SNX7: variants seen among roughly 807,000 people sequenced by gnomAD.
SNX7 encodes the protein sorting nexin-7.
Under a neutral mutation model 48.4 loss-of-function variants are expected in SNX7, and 35 were observed. The ratio of observed to expected loss-of-function variants is 0.72; its 90% confidence interval spans 0.55 to 0.96. The LOEUF is 0.96. Ranked by LOEUF, SNX7 falls within the 40% of genes least tolerant of loss-of-function variation. The pLI is 0.00. For missense variants in SNX7, 553 were observed against 548.9 expected (o/e 1.01, Z -0.07); for synonymous variants, 190 against 190.2 (o/e 1.00, Z 0.01).
chr1:98,663,302 G>A (rs1649368085), intron 1 of SNX7, among the ~76,000 whole-genome samples: 1 of 112,814 alleles, frequency 8.9e-6, no homozygotes, highest in Admixed American at 1.2e-4. Flanking sequence ...TGTCGGGGCT[G>A]GACCCATCTG....
At chr1:98,664,095 C>G (rs192516281) in intron 1 of SNX7, among the ~76,000 whole-genome samples, 8 of 152,292 alleles carry the variant, frequency 5.3e-5, no homozygotes, top group African/African-American at 1.9e-4. Flanking sequence ...TTCAGCCTAT[C>G]CTAGGATGGA....
chr1:98,673,693 G>C (rs1650002875), intron 1 of SNX7, among the ~76,000 whole-genome samples: 1 of 152,204 alleles, frequency 6.6e-6, no homozygotes, highest in South Asian at 2.1e-4. Context: ...CATGGATGGT[G>C]AGGGTGGTTG....
chr1:98,749,108 G>A (rs1183208479), intron 8 of SNX7, among the ~76,000 whole-genome samples: 1 of 151,974 alleles, frequency 6.6e-6, no homozygotes, highest in African/African-American at 2.4e-5. Flanking sequence ...ACAATGATGT[G>A]GTATAGAAAA....
chr1:98,745,717 A>G (rs1388528154), intron 8 of SNX7, among the ~76,000 whole-genome samples: 1 of 152,046 alleles, frequency 6.6e-6, no homozygotes, highest in Non-Finnish European at 1.5e-5. Context: ...TACCTGCATT[A>G]TCTTACCGTC....
intron 2 of SNX7, among the ~76,000 whole-genome samples, chr1:98,690,664 A>G (rs1206150263): frequency 6.6e-6 from 1 of 152,104 alleles, no homozygotes; most frequent in East Asian, 1.9e-4. Flanking sequence ...AATTGCAAAA[A>G]TAGGACTTTC....
At chr1:98,730,147 A>C (rs951539210) in intron 7 of SNX7, among the ~76,000 whole-genome samples, 1 of 152,246 alleles carries the variant, frequency 6.6e-6, no homozygotes, top group Non-Finnish European at 1.5e-5. Flanking sequence ...AAACAGAACC[A>C]AAGACAAAAA....
intron 6 of SNX7, among the ~76,000 whole-genome samples, chr1:98,699,365 T>C (rs1306143707): frequency 1.3e-5 from 2 of 152,152 alleles, no homozygotes; most frequent in Non-Finnish European, 2.9e-5. Context: ...AAAAGAAATC[T>C]TTCAAGTTAA....
chr1:98,739,492 A>T (rs761491682), intron 8 of SNX7, among the ~76,000 whole-genome samples: 2 of 152,208 alleles, frequency 1.3e-5, no homozygotes, highest in Non-Finnish European at 1.5e-5. Context: ...CTGGCCCTGG[A>T]GAGACCACAG....
In SNX7 at chr1:98,714,338, G is replaced by C. The variant is rs78824370; in HGVS notation, c.1125+12435G>C. Reference sequence around the variant, plus strand: ...AATCCTGTGAGATAGGTAGTAATTTGTTCCCATTTTTGTGGACGGGAAAAT... The same window carrying C: ...AATCCTGTGAGATAGGTAGTAATTTCTTCCCATTTTTGTGGACGGGAAAAT... On this transcript the variant is annotated intron_variant, in intron 7 of 8. Coordinates refer to ENST00000306121, the MANE Select transcript of SNX7 (RefSeq NM_015976.5). 8.2e-4 allele frequency among the ~76,000 whole-genome samples: 125 copies of C among 152,228 alleles called. 1 individual carries two copies. The highest frequency in any genetic ancestry group is 6.8e-3 in the Middle Eastern group (2 of 294).
chr1:98,712,851 G>A (rs1652384226), intron 7 of SNX7, among the ~76,000 whole-genome samples: 1 of 152,088 alleles, frequency 6.6e-6, no homozygotes, highest in African/African-American at 2.4e-5. Context: ...CAGCACTTTG[G>A]GAGGCTGAGG....
In SNX7 at chr1:98,685,017, A is replaced by T; in HGVS notation, c.313A>T (p.Ser105Cys). ...DLFITVDEPE[S>C]HVTTIETFIT... is the part of the protein sequence containing the mutation. ...CTTCATCACAGTTGATGAACCTGAA[A>T]GTCATGTTACTACAATAGAAACTTT... Residue 105 changes from serine to cysteine, a missense_variant, in exon 2 of 9, where the codon AGT becomes TGT. Physicochemically the swap from Ser to Cys is moderately radical, Grantham distance 112 (BLOSUM62 -1). Transcript: ENST00000306121. 1 of 1,587,990 alleles carries T rather than the reference A, an allele frequency of 6.3e-7. No individual in the cohort carries two copies. The highest frequency in any genetic ancestry group is 8.6e-7 in the Non-Finnish European group (1 of 1,165,230).
chr1:98,665,534 G>C (rs1167553377), intron 1 of SNX7, among the ~76,000 whole-genome samples: 1 of 152,104 alleles, frequency 6.6e-6, no homozygotes, highest in Admixed American at 6.5e-5. Flanking sequence ...ATAATGACAT[G>C]ATTGAGCAAG....
In SNX7 at chr1:98,722,130, C is replaced by T. The variant is rs1009907048; in HGVS notation, c.1126-16107C>T. Among the ~76,000 whole-genome samples the T allele has an allele frequency of 2.2e-4, 34 of 151,920 alleles. 1 individual carries two copies. The highest frequency in any genetic ancestry group is 7.5e-4 in the African/African-American group (31 of 41,348). ...GAAGGTGCTGGCTTGAAACGTGATG[C>T]GTTAACTACATTTGTGGGTGTTTTA... On this transcript the variant is annotated intron_variant, in intron 7 of 8. Coordinates refer to ENST00000306121, the MANE Select transcript of SNX7 (RefSeq NM_015976.5).
intron 4 of SNX7, among the ~76,000 whole-genome samples, chr1:98,692,249 C>A (rs915413998): frequency 8.6e-5 from 13 of 151,776 alleles, no homozygotes; most frequent in Non-Finnish European, 1.9e-4. Flanking sequence ...AATAAAGTAA[C>A]CTAGAGAAAA....
chr1:98,727,641 C>T (rs150170323), intron 7 of SNX7, among the ~76,000 whole-genome samples: 249 of 152,096 alleles, frequency 1.6e-3, no homozygotes, highest in Non-Finnish European at 3.0e-3. Context: ...TGAAACATTA[C>T]AGGCATTACA....
intron 2 of SNX7, among the ~76,000 whole-genome samples, chr1:98,688,943 C>T (rs763802322): frequency 1.3e-5 from 2 of 152,082 alleles, no homozygotes; most frequent in African/African-American, 2.4e-5. Flanking sequence ...CTCGCTCTGT[C>T]ACCCAGGGTA....
chr1:98,737,191 G>A (rs1653825342), intron 7 of SNX7, among the ~76,000 whole-genome samples: 1 of 151,804 alleles, frequency 6.6e-6, no homozygotes, highest in South Asian at 2.1e-4. Context: ...CTGGGAATGT[G>A]TTTCCACTGA....
chr1:98,745,719 C>T (rs1483059451), intron 8 of SNX7, among the ~76,000 whole-genome samples: 2 of 152,014 alleles, frequency 1.3e-5, no homozygotes, highest in Non-Finnish European at 2.9e-5. Context: ...CCTGCATTAT[C>T]TTACCGTCTT....
chr1:98,727,429 AT>A (rs1194683097), intron 7 of SNX7, among the ~76,000 whole-genome samples: 2 of 152,074 alleles, frequency 1.3e-5, no homozygotes, highest in African/African-American at 2.4e-5. Context: ...CAACCAAAAA[AT>A]ACACGCTGAA....
Sources: allele counts gnomAD v4.1 joint callset (sites outside exome capture counted in the v4.1 genomes callset), GRCh38; gene constraint gnomAD v4.1.1; transcripts MANE v1.5; gene names NCBI Gene and HGNC (gene_info 2026-07-23, HGNC 2026-07-21).